Variants in TMPRSS15 observed in about 807,000 individuals in gnomAD.
TMPRSS15 encodes enteropeptidase.
Under a neutral mutation model 125.3 loss-of-function variants are expected in TMPRSS15, and 128 were observed. The observed-to-expected ratio is 1.02, with a 90% confidence interval of 0.89 to 1.18. The LOEUF is 1.18. Among genes scored for constraint, TMPRSS15 ranks in the 50% most tolerant of loss-of-function variants. The pLI is 0.00. For missense variants in TMPRSS15, 1,283 were observed against 1,212.7 expected (o/e 1.06, Z -0.86); for synonymous variants, 446 against 423.2 (o/e 1.05, Z -0.66).
chr21:18,406,155 T>C (rs1000574423), upstream of TMPRSS15, among the ~76,000 whole-genome samples: 1 of 152,144 alleles, frequency 6.6e-6, no homozygotes, highest in African/African-American at 2.4e-5. Context: ...AGACTGGGTG[T>C]GATCAAGCCA....
intron 21 of TMPRSS15, among the ~76,000 whole-genome samples, chr21:18,293,011 C>T (rs2074857150): frequency 6.6e-6 from 1 of 152,108 alleles, no homozygotes; most frequent in Non-Finnish European, 1.5e-5. Context: ...TGGGATGGTG[C>T]TGTCGGTAGC....
chr21:18,350,748 T>A (rs1469869967), intron 10 of TMPRSS15, among the ~76,000 whole-genome samples: 1 of 151,562 alleles, frequency 6.6e-6, no homozygotes, highest in Non-Finnish European at 1.5e-5. Context: ...GAACAATTAA[T>A]TATATATATA....
chr21:18,271,972 C>CTA (rs2074562535), intron 24 of TMPRSS15, among the ~76,000 whole-genome samples: 1 of 151,568 alleles, frequency 6.6e-6, no homozygotes, highest in East Asian at 1.9e-4. Context: ...TTTATTCAGT[C>CTA]TATCATTGAT....
chr21:18,379,603 C>T (rs1430155093), intron 4 of TMPRSS15, among the ~76,000 whole-genome samples: 3 of 151,892 alleles, frequency 2.0e-5, no homozygotes, highest in African/African-American at 4.8e-5. Flanking sequence ...TAACTAAATG[C>T]GAGGATTCAT....
intron 1 of TMPRSS15, among the ~76,000 whole-genome samples, chr21:18,462,729 A>G (rs1978574363): frequency 6.6e-6 from 1 of 152,072 alleles, no homozygotes; most frequent in South Asian, 2.1e-4. Flanking sequence ...TTTGGTTTGT[A>G]GAGCATCAAG....
chr21:18,328,718 G>A (rs1453640770), intron 15 of TMPRSS15, among the ~76,000 whole-genome samples: 1 of 152,062 alleles, frequency 6.6e-6, no homozygotes, highest in African/African-American at 2.4e-5. Context: ...TAGCACAATA[G>A]GGTGACCACA....
intron 3 of TMPRSS15, among the ~76,000 whole-genome samples, chr21:18,391,653 T>C (rs1441671236): frequency 6.6e-6 from 1 of 152,190 alleles, no homozygotes; most frequent in Non-Finnish European, 1.5e-5. Context: ...CGGTGTGAGA[T>C]GTCAGTGGAT....
intron 22 of TMPRSS15, among the ~76,000 whole-genome samples, chr21:18,279,262 G>A (rs186979909): frequency 1.1e-3 from 168 of 147,966 alleles, no homozygotes; most frequent in African/African-American, 4.0e-3. Flanking sequence ...ACAATAGATC[G>A]GCTACCACTG....
intron 4 of TMPRSS15, among the ~76,000 whole-genome samples, chr21:18,381,703 C>T (rs2075894227): frequency 6.6e-6 from 1 of 151,988 alleles, no homozygotes; most frequent in Admixed American, 6.6e-5. Context: ...CCAGATGATC[C>T]AAATATAGGA....
intron 1 of TMPRSS15, among the ~76,000 whole-genome samples, chr21:18,438,552 C>T (rs976899286): frequency 6.6e-6 from 1 of 152,070 alleles, no homozygotes; most frequent in African/African-American, 2.4e-5. Context: ...AATTAAAAGA[C>T]ATCTTTTTTA....
At chr21:18,276,213 CGTGT>C (rs928538940) in intron 23 of TMPRSS15, among the ~76,000 whole-genome samples, 39 of 152,082 alleles carry the variant, frequency 2.6e-4, no homozygotes, top group African/African-American at 9.2e-4. Context: ...CACACGTGCA[CGTGT>C]GTGTGTAGTT....
intron 24 of TMPRSS15, among the ~76,000 whole-genome samples, chr21:18,274,205 A>C (rs1050276315): frequency 1.3e-5 from 2 of 152,188 alleles, no homozygotes; most frequent in African/African-American, 4.8e-5. Context: ...AACATTTTTG[A>C]GTAATTGCTC....
At chr21:18,373,237 G>T (rs181544998) in intron 5 of TMPRSS15, among the ~76,000 whole-genome samples, 11 of 152,160 alleles carry the variant, frequency 7.2e-5, no homozygotes, top group African/African-American at 2.6e-4. Context: ...CCATGTCAAT[G>T]AATCTACTAA....
intron 1 of TMPRSS15, among the ~76,000 whole-genome samples, chr21:18,401,703 G>A (rs2076096030): frequency 6.6e-6 from 1 of 152,062 alleles, no homozygotes; most frequent in Non-Finnish European, 1.5e-5. Context: ...CAGGTAACAA[G>A]CCTGCACATG....
intron 18 of TMPRSS15, among the ~76,000 whole-genome samples, chr21:18,302,625 C>A (rs1984175906): frequency 6.6e-6 from 1 of 152,148 alleles, no homozygotes; most frequent in Admixed American, 6.5e-5. Context: ...ATTATCTTAA[C>A]CTAATCAATT....
chr21:18,300,489 G>A (rs937300837), intron 18 of TMPRSS15, among the ~76,000 whole-genome samples: 1 of 151,724 alleles, frequency 6.6e-6, no homozygotes, highest in African/African-American at 2.4e-5. Context: ...CTATAGGCGT[G>A]TGCCACCACA....
chr21:18,425,017 A>G (rs867954607), intron 1 of TMPRSS15, among the ~76,000 whole-genome samples: 1 of 151,062 alleles, frequency 6.6e-6, no homozygotes, highest in East Asian at 1.9e-4. Context: ...ATGAATTAAT[A>G]TGCATATATA....
At chr21:18,303,158 G>A (rs1161347455) in intron 18 of TMPRSS15, among the ~76,000 whole-genome samples, 3 of 152,076 alleles carry the variant, frequency 2.0e-5, no homozygotes, top group Non-Finnish European at 2.9e-5. Context: ...AGACATAAGT[G>A]TTAGTAATTA....
chr21:18,475,581 G>C (rs746204536), intron 1 of TMPRSS15, among the ~76,000 whole-genome samples: 3 of 152,154 alleles, frequency 2.0e-5, no homozygotes, highest in Non-Finnish European at 4.4e-5. Context: ...GACAGAGCAA[G>C]ACTCTGTCTC....
Sources: allele counts gnomAD v4.1 joint callset (sites outside exome capture counted in the v4.1 genomes callset), GRCh38; gene constraint gnomAD v4.1.1; transcripts MANE v1.5; gene names NCBI Gene and HGNC (gene_info 2026-07-23, HGNC 2026-07-21).